The following ASIC2 variants were observed in gnomAD, a reference collection of about 807,000 sequenced individuals.
ASIC2 encodes the protein acid sensing ion channel subunit 2, also known as acid-sensing ion channel 2.
In ASIC2, 25 loss-of-function variants were observed where a neutral mutation model predicts 57.3. That is an observed-to-expected ratio of 0.44 (90% confidence interval 0.32 to 0.61). The LOEUF (loss-of-function observed/expected upper bound fraction) is 0.61, where lower values mean the gene tolerates loss of function less well. ASIC2 is among the 20% of genes least tolerant of loss of function. ASIC2 has a pLI of 0.06. For missense variants in ASIC2, 641 were observed against 738.1 expected, an observed-to-expected ratio of 0.87 and a Z score of 1.52; for synonymous variants, 319 against 307.5, an observed-to-expected ratio of 1.04 and a Z score of -0.39.
At chr17:33,459,188 C>A (rs1912552039) in intron 1 of ASIC2, among the ~76,000 whole-genome samples, 1 of 151,948 alleles carries the variant, frequency 6.6e-6, no homozygotes, top group Non-Finnish European at 1.5e-5. Context: ...CTGTTGCCTG[C>A]TTGGCTAGCC....
At chr17:33,469,186 G>T (rs1724120214) in intron 1 of ASIC2, among the ~76,000 whole-genome samples, 1 of 152,234 alleles carries the variant, frequency 6.6e-6, no homozygotes, top group South Asian at 2.1e-4. Context: ...CTTAGAACCA[G>T]GCCACAGCTA....
chr17:33,565,933 C>T (rs1916220672), intron 1 of ASIC2: 1 of 152,280 alleles, frequency 6.6e-6, no homozygotes, highest in Non-Finnish European at 1.5e-5. Context: ...TGAGTGTTGA[C>T]TGTCACACCT....
intron 1 of ASIC2, among the ~76,000 whole-genome samples, chr17:33,577,778 TC>T (rs774900114): frequency 6.6e-6 from 1 of 152,124 alleles, no homozygotes; most frequent in Admixed American, 6.5e-5. Context: ...CACACCATGT[TC>T]CACCCGGCCT....
intron 1 of ASIC2, among the ~76,000 whole-genome samples, chr17:33,307,168 A>G (rs1270586627): frequency 6.6e-6 from 1 of 152,016 alleles, no homozygotes; most frequent in African/African-American, 2.4e-5. Flanking sequence ...CATTTTTACA[A>G]CACTATGACT....
intron 1 of ASIC2, among the ~76,000 whole-genome samples, chr17:33,535,199 C>A (rs922369210): frequency 6.6e-6 from 1 of 151,746 alleles, no homozygotes; most frequent in African/African-American, 2.4e-5. Flanking sequence ...CTGCATTTCT[C>A]AGGTTGCCTG....
At chr17:33,131,376 C>T (rs1372602539) in intron 1 of ASIC2, among the ~76,000 whole-genome samples, 1 of 152,188 alleles carries the variant, frequency 6.6e-6, no homozygotes. Flanking sequence ...TCCCCTCTCT[C>T]ATAAAACTGC....
intron 3 of ASIC2, among the ~76,000 whole-genome samples, chr17:33,029,895 A>G (rs1364945107): frequency 2.6e-5 from 4 of 152,122 alleles, no homozygotes; most frequent in Non-Finnish European, 5.9e-5. Context: ...GCACAATTTT[A>G]TGTGTTTGTT....
chr17:33,983,930 G>A (rs1319844436), intron 1 of ASIC2, among the ~76,000 whole-genome samples: 1 of 152,202 alleles, frequency 6.6e-6, no homozygotes, highest in Non-Finnish European at 1.5e-5. Flanking sequence ...GTAATGCCCA[G>A]GTTGAGAAGC....
At chr17:33,978,991 A>G in intron 1 of ASIC2, among the ~76,000 whole-genome samples, 1 of 152,176 alleles carries the variant, frequency 6.6e-6, no homozygotes, top group South Asian at 2.1e-4. Context: ...CTCCTCGGTG[A>G]CAGATCCAAC....
At chr17:33,046,521 G>GGT (rs981545532) in intron 3 of ASIC2, among the ~76,000 whole-genome samples, 1 of 151,826 alleles carries the variant, frequency 6.6e-6, no homozygotes, top group Non-Finnish European at 1.5e-5. Context: ...GTGGGTGCTG[G>GGT]GTGTGTGTGT....
At chr17:33,549,385 G>A (rs1350169732) in intron 1 of ASIC2, among the ~76,000 whole-genome samples, 4 of 152,112 alleles carry the variant, frequency 2.6e-5, no homozygotes, top group African/African-American at 4.8e-5. Context: ...CTTGGGGTCC[G>A]TGCAAGTCTG....
chr17:33,941,994 G>C (rs982130121), intron 1 of ASIC2, among the ~76,000 whole-genome samples: 1 of 152,198 alleles, frequency 6.6e-6, no homozygotes, highest in Non-Finnish European at 1.5e-5. Context: ...CGTTTTCAGG[G>C]CTAGAATATA....
intron 1 of ASIC2, among the ~76,000 whole-genome samples, chr17:33,180,827 T>C (rs1332301968): frequency 6.6e-6 from 1 of 152,112 alleles, no homozygotes; most frequent in Admixed American, 6.6e-5. Flanking sequence ...TTCTGTGGCA[T>C]GTTCAGCTCA....
chr17:33,175,594 G>T (rs1253719659), intron 1 of ASIC2, among the ~76,000 whole-genome samples: 5 of 151,926 alleles, frequency 3.3e-5, no homozygotes, highest in African/African-American at 9.7e-5. Flanking sequence ...ACTTAATGTA[G>T]TTCCCACATT....
At chr17:33,363,761 GTGATCTA>G (rs1261474775) in intron 1 of ASIC2, among the ~76,000 whole-genome samples, 3 of 152,186 alleles carry the variant, frequency 2.0e-5, no homozygotes, top group Admixed American at 6.5e-5. Context: ...ACTCTCTAAG[GTGATCTA>G]TGGCTCCACA....
chr17:33,840,263 CA>C (rs1160744839), intron 1 of ASIC2, among the ~76,000 whole-genome samples: 1 of 152,206 alleles, frequency 6.6e-6, no homozygotes, highest in East Asian at 1.9e-4. Flanking sequence ...CTGGGCAGAC[CA>C]CACACCAAGT....
chr17:34,014,548 C>T (rs1021944167), intron 1 of ASIC2, among the ~76,000 whole-genome samples: 1 of 152,190 alleles, frequency 6.6e-6, no homozygotes, highest in Non-Finnish European at 1.5e-5. Context: ...AGCTTCCAGG[C>T]CCCGTCCACA....
Position 33,953,144 on chromosome 17 carries a change from A to C in ASIC2, c.555+202834T>G, listed in dbSNP as rs1000153272. On this transcript the variant is annotated intron_variant, in intron 1 of 9. Coordinates refer to the ASIC2 transcript ENST00000359872. ...TACATACAATGCATTTAAAATTGAA[A>C]AAAATAATGTGTTAAGAGTAATTAC... is the stretch of plus-strand genomic sequence containing the variant. Among the ~76,000 whole-genome samples, 7 of 152,184 alleles carry C rather than the reference A, an allele frequency of 4.6e-5. No individual in the cohort carries two copies. In the East Asian group the frequency reaches 9.6e-4, roughly 21 times the overall value.
At chr17:33,464,526 TTCTTTCTTTCTTTC>T (rs1567621127) in intron 1 of ASIC2, among the ~76,000 whole-genome samples, 1,149 of 38,878 alleles carry the variant, frequency 0.03, 20 homozygotes, top group Non-Finnish European at 0.035. Context: ...CTTTCTTTCT[TTCTTTCTTTCTTTC>T]TCTTTCTTTC....
Sources: gnomAD v4.1 joint callset for allele counts (sites outside exome capture counted in the v4.1 genomes callset) on GRCh38, gnomAD v4.1.1 for gene constraint, MANE v1.5 for transcripts, NCBI Gene and HGNC (gene_info 2026-07-23, HGNC 2026-07-21) for gene names.